The following PPP2R2C variants were observed in gnomAD, a reference collection of about 807,000 sequenced individuals.
PPP2R2C encodes the protein protein phosphatase 2, regulatory subunit B, gamma.
PPP2R2C carries 10 observed loss-of-function variants against 45.3 expected under a neutral mutation model. That is an observed-to-expected ratio of 0.22 (90% CI 0.14 to 0.37). PPP2R2C has a LOEUF of 0.37. Among genes scored for constraint, PPP2R2C ranks in the 10% least tolerant of loss-of-function variants. The pLI, the probability that PPP2R2C is intolerant of heterozygous loss-of-function variation, is 1.00. For missense variants in PPP2R2C, 308 were observed against 619.7 expected, an observed-to-expected ratio of 0.50 and a Z score of 5.34; for synonymous variants, 257 against 245.4, an observed-to-expected ratio of 1.05 and a Z score of -0.44.
intron 5 of PPP2R2C, among the ~76,000 whole-genome samples, chr4:6,359,687 G>C (rs1713555142): frequency 6.6e-6 from 1 of 151,158 alleles, no homozygotes; most frequent in Admixed American, 6.6e-5. Context: ...CTCTCCTGGA[G>C]CCCAGCCACG....
intron 2 of PPP2R2C, among the ~76,000 whole-genome samples, chr4:6,508,231 C>T (rs1723301849): frequency 6.6e-6 from 1 of 152,208 alleles, no homozygotes; most frequent in African/African-American, 2.4e-5. Context: ...ATTAAACGGT[C>T]TCTCTAAAAT....
At chr4:6,551,871 C>T (rs1053958412) in intron 1 of PPP2R2C, among the ~76,000 whole-genome samples, 5 of 152,254 alleles carry the variant, frequency 3.3e-5, no homozygotes, top group Admixed American at 3.3e-4. Flanking sequence ...TGAGCCCTTC[C>T]TCAGCTCCTG....
chr4:6,384,613 A>C, intron 1 of PPP2R2C: 1 of 985,438 alleles, frequency 1.0e-6, no homozygotes, highest in Non-Finnish European at 1.2e-6. Context: ...TAACAATGCT[A>C]TTAAATTAAA....
intron 5 of PPP2R2C, among the ~76,000 whole-genome samples, chr4:6,353,244 T>C (rs1486908503): frequency 2.0e-5 from 3 of 151,580 alleles, no homozygotes; most frequent in Non-Finnish European, 4.4e-5. Context: ...GCCAGTGCTA[T>C]GGGCAGCCAC....
In PPP2R2C at chr4:6,421,442, AC is replaced by A. The variant is rs1560536113; in HGVS notation, c.71-40349del. Among the ~76,000 whole-genome samples the A allele has an allele frequency of 3.3e-5, 5 of 152,184 alleles. No individual in the cohort carries two copies. In the South Asian group the frequency reaches 1.0e-3, roughly 32 times the overall value. The stretch of plus-strand genomic sequence containing the variant: ...TGTCCTCATGTTTGCAATTCCGAGC[AC>A]CCCAAGTGACACCTAAGTGTTTGAT... On this transcript the variant is annotated intron_variant, in intron 1 of 8. Transcript: ENST00000382599.
At position 6,499,204 on chromosome 4, in the gene PPP2R2C, T is replaced by C. The variant is rs183575558; in HGVS notation, c.49+36067A>G. Among the ~76,000 whole-genome samples, 102 of 152,216 alleles carry C rather than the reference T, an allele frequency of 6.7e-4. 1 individual carries two copies. Among genetic ancestry groups the C allele is most frequent in the Admixed American group, 1.4e-3 (22 of 15,304 alleles). On this transcript the variant is annotated intron_variant, in intron 2 of 9. Transcript: ENST00000506140. ...TCAGTGCTTGGGTGTGTTGAGTGAC[T>C]AAACAAAAAACCCAACTATGAGCAG...
chr4:6,352,973 C>T (rs1004604990), intron 5 of PPP2R2C, among the ~76,000 whole-genome samples: 20 of 152,080 alleles, frequency 1.3e-4, no homozygotes, highest in African/African-American at 4.6e-4. Flanking sequence ...CATGTGGAGA[C>T]AAAGGCAGAG....
chr4:6,562,647 C>A (rs1725617697), intron 1 of PPP2R2C, among the ~76,000 whole-genome samples: 1 of 152,134 alleles, frequency 6.6e-6, no homozygotes, highest in South Asian at 2.1e-4. Flanking sequence ...CTCACCAGTA[C>A]CCCCCATAGG....
intron 6 of PPP2R2C, among the ~76,000 whole-genome samples, chr4:6,338,967 G>A (rs982160474): frequency 2.0e-5 from 3 of 152,254 alleles, no homozygotes; most frequent in African/African-American, 7.2e-5. Flanking sequence ...CGATGGCCCA[G>A]TGTGGGGCTT....
At chr4:6,512,378 T>G (rs1723645576) in intron 2 of PPP2R2C, among the ~76,000 whole-genome samples, 1 of 127,808 alleles carries the variant, frequency 7.8e-6, no homozygotes, top group Non-Finnish European at 1.7e-5. Context: ...GTGGTGGTGG[T>G]GGTGGTGGTG....
chr4:6,469,894 C>A (rs951185516), intron 1 of PPP2R2C, among the ~76,000 whole-genome samples: 4 of 152,222 alleles, frequency 2.6e-5, no homozygotes, highest in African/African-American at 9.7e-5. Context: ...ATCCGCAGCA[C>A]CTGAGCCCTA....
At chr4:6,443,560 T>C (rs1312698394) in intron 1 of PPP2R2C, among the ~76,000 whole-genome samples, 1 of 152,182 alleles carries the variant, frequency 6.6e-6, no homozygotes, top group Non-Finnish European at 1.5e-5. Flanking sequence ...CTCAGCAGCC[T>C]GAGGCAAAGA....
chr4:6,335,940 G>A (rs1732811697), intron 6 of PPP2R2C, among the ~76,000 whole-genome samples: 1 of 152,006 alleles, frequency 6.6e-6, no homozygotes, highest in Non-Finnish European at 1.5e-5. Flanking sequence ...CCTGTCCTTA[G>A]CCTCTCCACA....
chr4:6,344,952 C>T (rs147962898), intron 6 of PPP2R2C, among the ~76,000 whole-genome samples: 232 of 152,260 alleles, frequency 1.5e-3, no homozygotes, highest in Non-Finnish European at 1.5e-3. Flanking sequence ...CTCAAAAGGA[C>T]GCCGAATAGA....
At chr4:6,492,084 GC>G (rs1272506288) in intron 2 of PPP2R2C, among the ~76,000 whole-genome samples, 1 of 152,166 alleles carries the variant, frequency 6.6e-6, no homozygotes, top group East Asian at 1.9e-4. Flanking sequence ...GTGACAAAAA[GC>G]CAGCCTAAAT....
At chr4:6,447,820 G>A (rs940874613) in intron 1 of PPP2R2C, among the ~76,000 whole-genome samples, 5 of 152,098 alleles carry the variant, frequency 3.3e-5, no homozygotes, top group East Asian at 1.9e-4. Context: ...CCTCAGCTAC[G>A]GCTGGAGTAA....
intron 5 of PPP2R2C, chr4:6,349,702 G>T: frequency 2.7e-6 from 2 of 735,248 alleles, no homozygotes; most frequent in Non-Finnish European, 3.3e-6. Flanking sequence ...ATTAGTTGGA[G>T]ACAAGCCTGA....
chr4:6,435,886 C>G (rs1577181231), intron 1 of PPP2R2C, among the ~76,000 whole-genome samples: 1 of 152,250 alleles, frequency 6.6e-6, no homozygotes, highest in East Asian at 1.9e-4. Context: ...TGGGAAGGCT[C>G]CCACACCAGT....
At chr4:6,511,303 G>C (rs953033112) in intron 2 of PPP2R2C, among the ~76,000 whole-genome samples, 12 of 151,826 alleles carry the variant, frequency 7.9e-5, no homozygotes, top group African/African-American at 2.9e-4. Context: ...GATGGTGGTG[G>C]TGATGGTATT....
Sources: allele counts gnomAD v4.1 joint callset (sites outside exome capture counted in the v4.1 genomes callset), GRCh38; gene constraint gnomAD v4.1.1; transcripts MANE v1.5; gene names NCBI Gene and HGNC (gene_info 2026-07-23, HGNC 2026-07-21).